The following FAM168A variants were observed in gnomAD, a reference collection of about 807,000 sequenced individuals.
The protein encoded by FAM168A is protein FAM168A.
A neutral mutation model predicts 28.5 loss-of-function variants in FAM168A; 3 were observed. The observed-to-expected ratio is 0.11, with a 90% CI of 0.05 to 0.27. The LOEUF is 0.27. FAM168A is among the 10% of genes least tolerant of loss of function. FAM168A has a pLI of 1.00. For synonymous variants in FAM168A, 122 were observed against 124.2 expected, an observed-to-expected ratio of 0.98 and a Z score of 0.12; for missense variants, 222 against 311.5, an observed-to-expected ratio of 0.71 and a Z score of 2.16.
chr11:73,462,113 G>GA (rs1365777303), intron 2 of FAM168A, among the ~76,000 whole-genome samples: 1 of 152,076 alleles, frequency 6.6e-6, no homozygotes, highest in Non-Finnish European at 1.5e-5. Flanking sequence ...TCCACTTCTG[G>GA]ATATATACCC....
chr11:73,427,746 C>T (rs1866915503), intron 3 of FAM168A, among the ~76,000 whole-genome samples: 1 of 152,204 alleles, frequency 6.6e-6, no homozygotes, highest in Admixed American at 6.5e-5. Flanking sequence ...TATTCCATGT[C>T]TTTCCACTTA....
In FAM168A at chr11:73,419,727, G is replaced by A. The variant is rs1172039674; in HGVS notation, c.277+147C>T. On this transcript the variant is annotated intron_variant, in intron 4 of 7. Transcript: ENST00000356467. ...GAGAATGACCTTTCCTGAATAAGGA[G>A]GGGTAATTTTTTGCCTGGGTAAAAG... 3.6e-6 allele frequency: 3 copies of A among 831,890 alleles called. No individual in the cohort carries two copies. In the East Asian group the frequency reaches 8.8e-5, roughly 24 times the overall value. The allele number at this position is 831,890 out of a possible 1,614,324, so 51.5% of individuals were successfully genotyped here.
chr11:73,503,610 C>T (rs1422077299), intron 1 of FAM168A, among the ~76,000 whole-genome samples: 3 of 152,264 alleles, frequency 2.0e-5, no homozygotes, highest in Non-Finnish European at 4.4e-5. Context: ...TATTCCCAAA[C>T]AATTCACTGA....
intron 1 of FAM168A, among the ~76,000 whole-genome samples, chr11:73,575,277 C>T (rs1361936078): frequency 6.6e-6 from 1 of 152,164 alleles, no homozygotes; most frequent in Non-Finnish European, 1.5e-5. Flanking sequence ...ATGTATGTTA[C>T]TGCTGTAAAA....
At chr11:73,563,717 C>T (rs1943985546) in intron 1 of FAM168A, among the ~76,000 whole-genome samples, 2 of 152,142 alleles carry the variant, frequency 1.3e-5, no homozygotes, top group South Asian at 4.1e-4. Flanking sequence ...ATTATCATTC[C>T]CATTTTACAG....
intron 1 of FAM168A, among the ~76,000 whole-genome samples, chr11:73,492,133 C>A (rs969563542): frequency 6.6e-6 from 1 of 152,056 alleles, no homozygotes; most frequent in Non-Finnish European, 1.5e-5. Context: ...CAGACTTTAC[C>A]CTGACTCCTC....
chr11:73,571,742 C>T (rs1271800343), intron 1 of FAM168A, among the ~76,000 whole-genome samples: 1 of 151,426 alleles, frequency 6.6e-6, no homozygotes, highest in Admixed American at 6.6e-5. Context: ...TGCCTGGCTG[C>T]CCAGTCTGGA....
chr11:73,591,454 T>C (rs1944381098), intron 1 of FAM168A, among the ~76,000 whole-genome samples: 1 of 152,160 alleles, frequency 6.6e-6, no homozygotes, highest in African/African-American at 2.4e-5. Flanking sequence ...TAGGTACCTT[T>C]TGTCTTTCCC....
chr11:73,537,382 G>A lies in FAM168A; in HGVS notation c.-19+60541C>T, dbSNP rs1011396812. On this transcript the variant is annotated intron_variant, in intron 1 of 7. Coordinates refer to ENST00000356467, the MANE Select transcript of FAM168A (RefSeq NM_015159.3). ...TCAAGACCAGCCTGGGCAACATGGC[G>A]AAACCCCGTCTCTACTAAAAATACA... Among the ~76,000 whole-genome samples, 13 of 152,020 alleles carry A rather than the reference G, an allele frequency of 8.6e-5. No homozygotes were observed. In the East Asian group the frequency reaches 9.6e-4, roughly 11 times the overall value.
At chr11:73,453,464 G>A (rs955501293) in intron 2 of FAM168A, among the ~76,000 whole-genome samples, 5 of 152,176 alleles carry the variant, frequency 3.3e-5, no homozygotes, top group African/African-American at 1.2e-4. Flanking sequence ...AATCTCAACA[G>A]CCTCCTGGGG....
At chr11:73,480,968 CTT>C (rs1420052673) in intron 1 of FAM168A, among the ~76,000 whole-genome samples, 3 of 152,234 alleles carry the variant, frequency 2.0e-5, no homozygotes, top group African/African-American at 7.2e-5. Context: ...GCCATACTCT[CTT>C]GTCTCTGAGT....
intron 1 of FAM168A, among the ~76,000 whole-genome samples, chr11:73,471,332 G>A (rs1590801182): frequency 2.0e-5 from 3 of 151,254 alleles, no homozygotes; most frequent in Non-Finnish European, 4.4e-5. Flanking sequence ...ACCTCAAAAT[G>A]GGAAAAAAAC....
chr11:73,589,796 G>A (rs933416530), intron 1 of FAM168A, among the ~76,000 whole-genome samples: 4 of 152,056 alleles, frequency 2.6e-5, no homozygotes, highest in East Asian at 1.9e-4. Context: ...GCGTGGTGGC[G>A]CACGCCTGTA....
At chr11:73,497,444 T>C (rs1264056612) in intron 1 of FAM168A, among the ~76,000 whole-genome samples, 1 of 151,254 alleles carries the variant, frequency 6.6e-6, no homozygotes, top group Non-Finnish European at 1.5e-5. Flanking sequence ...AGTGACTCCA[T>C]ACCCCCCCTC....
At chr11:73,443,028 A>T (rs1186081778) in intron 2 of FAM168A, among the ~76,000 whole-genome samples, 1 of 137,620 alleles carries the variant, frequency 7.3e-6, no homozygotes, top group African/African-American at 2.6e-5. Context: ...TTAAAAATGG[A>T]GGAAATTAGG....
At chr11:73,480,077 TATA>T (rs1867947192) in intron 1 of FAM168A, among the ~76,000 whole-genome samples, 1 of 152,190 alleles carries the variant, frequency 6.6e-6, no homozygotes, top group South Asian at 2.1e-4. Flanking sequence ...TAATACTGTA[TATA>T]ATATTTCATC....
intron 1 of FAM168A, among the ~76,000 whole-genome samples, chr11:73,490,781 C>A (rs1277882): frequency 6.6e-6 from 1 of 151,952 alleles, no homozygotes. Context: ...CTTTATTTTT[C>A]CTCTTTCCCA....
Position 73,422,074 on chromosome 11 carries a change from G to A in FAM168A, c.152-2075C>T, listed in dbSNP as rs973366085. ...CACTGCACTCAGCACTGAGGGGAGC[G>A]CCACGGTGGAAGGGAACACACGTGG... On this transcript the variant is annotated intron_variant, in intron 3 of 7. Coordinates refer to ENST00000356467, the MANE Select transcript of FAM168A (RefSeq NM_015159.3). Among the ~76,000 whole-genome samples the A allele has an allele frequency of 5.3e-5, 8 of 152,116 alleles. 1 individual carries two copies. Among genetic ancestry groups the A allele is most frequent in the African/African-American group, 1.4e-4 (6 of 41,404 alleles).
chr11:73,409,091 C>T (rs1189102789), intron 6 of FAM168A, among the ~76,000 whole-genome samples: 1 of 152,106 alleles, frequency 6.6e-6, no homozygotes. Context: ...TTGTGTGCAA[C>T]AGAGGTACCA....
Sources: gnomAD v4.1 joint callset for allele counts (sites outside exome capture counted in the v4.1 genomes callset) on GRCh38, gnomAD v4.1.1 for gene constraint, MANE v1.5 for transcripts, NCBI Gene and HGNC (gene_info 2026-07-23, HGNC 2026-07-21) for gene names.